UGT2A1: variants seen among roughly 807,000 people sequenced by gnomAD.
UGT2A1 encodes UDP glucuronosyltransferase family 2 member A1 complex locus.
In UGT2A1, 61 loss-of-function variants were observed where a neutral mutation model predicts 45.4. The ratio of observed to expected loss-of-function variants is 1.34; its 90% CI spans 1.09 to 1.66. The LOEUF is 1.66. Among genes scored for constraint, UGT2A1 ranks in the 40% most tolerant of loss-of-function variants. The probability of loss-of-function intolerance (pLI) is 0.00; values close to 1 mark genes in which losing one functional copy is unlikely to be tolerated. For missense variants in UGT2A1, 649 were observed against 574.3 expected, an observed-to-expected ratio of 1.13 and a Z score of -1.33; for synonymous variants, 229 against 196.2, an observed-to-expected ratio of 1.17 and a Z score of -1.40.
chr4:69,623,251 C>T (rs367656560), intron 3 of UGT2A1, among the ~76,000 whole-genome samples: 11 of 151,754 alleles, frequency 7.2e-5, no homozygotes, highest in African/African-American at 1.9e-4. Flanking sequence ...ACCACTACCC[C>T]ATTTCTACCA....
chr4:69,651,267 A>G (rs1178350940), intron 1 of UGT2A1, among the ~76,000 whole-genome samples: 1 of 152,184 alleles, frequency 6.6e-6, no homozygotes, highest in Non-Finnish European at 1.5e-5. Context: ...TGTGTTTGTA[A>G]TTACTCTGAT....
Position 69,606,754 on chromosome 4 carries a change from C to T in UGT2A1, c.848-7360G>A, listed in dbSNP as rs1247544451. Among the ~76,000 whole-genome samples, 5 of 136,620 alleles carry T rather than the reference C, an allele frequency of 3.7e-5. 1 individual carries two copies. Among genetic ancestry groups the T allele is most frequent in the Non-Finnish European group, 7.8e-5 (5 of 64,308 alleles). The allele number at this position is 136,620 out of a possible 152,430, so 89.6% of individuals were successfully genotyped here. On this transcript the variant is annotated intron_variant, in intron 3 of 6. Transcript: ENST00000286604. ...GGATACAAAATCAATGTGCAAAAAT[C>T]ACAAGCATTCTTATACACCAATAAC... is the stretch of plus-strand genomic sequence containing the variant.
At chr4:69,639,208 T>A in intron 2 of UGT2A1, 1 of 1,613,736 alleles carries the variant, frequency 6.2e-7, no homozygotes, top group Non-Finnish European at 8.5e-7. Flanking sequence ...AGTCTTGCCA[T>A]CAACTTTGGG....
At chr4:69,613,536 C>G (rs1395460644) in intron 3 of UGT2A1, among the ~76,000 whole-genome samples, 1 of 151,962 alleles carries the variant, frequency 6.6e-6, no homozygotes, top group Admixed American at 6.6e-5. Flanking sequence ...ACAACAACTA[C>G]AGGCCAATAT....
intron 5 of UGT2A1, 31 bp from the exon 6 acceptor site, chr4:69,594,727 T>C (rs373580816): frequency 6.3e-7 from 1 of 1,595,892 alleles, no homozygotes; most frequent in African/African-American, 1.3e-5. Context: ...GAAGTGGGTG[T>C]GTAATAATAA....
rs910499237 is a variant in UGT2A1, at chr4:69,588,831, C to T, written c.*541G>A. ...AGGGACGCACGTCACACTTAAAATT[C>T]ATTCTCTAACTCCTGAAACATTGAG... On this transcript the variant is annotated 3_prime_UTR_variant, in exon 7 of 7. Coordinates refer to ENST00000286604, the MANE Select transcript of UGT2A1 (RefSeq NM_001252275.3). 1.3e-5 allele frequency: 2 copies of T among 152,036 alleles called. No homozygotes were observed. Among genetic ancestry groups the T allele is most frequent in the African/African-American group, 4.8e-5 (2 of 41,400 alleles). The allele number at this position is 152,036 out of a possible 1,614,324, so 9.4% of individuals were successfully genotyped here.
intron 4 of UGT2A1, chr4:69,596,533 A>G: frequency 1.7e-6 from 2 of 1,182,610 alleles, no homozygotes; most frequent in Non-Finnish European, 2.2e-6. Context: ...TAGTTTCTAT[A>G]TTTTTTTTTG....
intron 1 of UGT2A1, among the ~76,000 whole-genome samples, chr4:69,652,906 C>T (rs931936348): frequency 6.6e-6 from 1 of 152,070 alleles, no homozygotes; most frequent in Non-Finnish European, 1.5e-5. Flanking sequence ...GAGAAGAATC[C>T]CTAAAGAGGA....
At chr4:69,599,460 G>T in intron 3 of UGT2A1, 66 bp from the exon 4 acceptor site, 1 of 1,579,524 alleles carries the variant, frequency 6.3e-7, no homozygotes, top group Non-Finnish European at 8.5e-7. Flanking sequence ...AGAAAAAAAA[G>T]CTACCAGTAA....
intron 3 of UGT2A1, among the ~76,000 whole-genome samples, chr4:69,601,272 G>C (rs990215694): frequency 2.0e-5 from 3 of 152,094 alleles, no homozygotes; most frequent in African/African-American, 7.2e-5. Context: ...TGCCTACATA[G>C]GGGGAGCCAG....
intron 3 of UGT2A1, among the ~76,000 whole-genome samples, chr4:69,624,532 T>C (rs934042225): frequency 5.3e-5 from 8 of 151,450 alleles, no homozygotes; most frequent in Non-Finnish European, 1.0e-4. Context: ...ATCTCTTTTT[T>C]GTTCTTTTTT....
chr4:69,633,372 G>T (rs1473915344), intron 3 of UGT2A1, among the ~76,000 whole-genome samples: 1 of 152,116 alleles, frequency 6.6e-6, no homozygotes, highest in East Asian at 1.9e-4. Context: ...TGGCTAGTAG[G>T]TTTACTAGTT....
intron 2 of UGT2A1, chr4:69,638,986 T>A: frequency 6.2e-7 from 1 of 1,613,124 alleles, no homozygotes; most frequent in Non-Finnish European, 8.5e-7. Context: ...GTATTTTTAA[T>A]CCTTTCACCA....
intron 3 of UGT2A1, among the ~76,000 whole-genome samples, chr4:69,631,764 A>G (rs944249890): frequency 1.3e-5 from 2 of 152,146 alleles, no homozygotes; most frequent in Non-Finnish European, 2.9e-5. Context: ...TTTGAAGACT[A>G]CGGACATATT....
At chr4:69,610,188 A>T (rs898104741) in intron 3 of UGT2A1, among the ~76,000 whole-genome samples, 2 of 152,154 alleles carry the variant, frequency 1.3e-5, no homozygotes, top group Non-Finnish European at 2.9e-5. Flanking sequence ...AAATATTTTT[A>T]AATGTGCAAA....
chr4:69,612,744 A>T (rs989878508), intron 3 of UGT2A1, among the ~76,000 whole-genome samples: 1 of 152,022 alleles, frequency 6.6e-6, no homozygotes, highest in Non-Finnish European at 1.5e-5. Flanking sequence ...TGGATCAAAG[A>T]TTTAAATGGA....
chr4:69,599,279 T>A lies in UGT2A1; in HGVS notation c.963A>T (p.Gly321=), dbSNP rs1719115079. ...AAGGTTTGGCAGGTTTGCAGTGCAA[T>A]CCTCCAACAAACTCAAAATTAGGTA... ...PYLPNFEFVG[G]LHCKPAKPLP... The change falls in exon 4 of 7, where the codon GGA becomes GGT. Residue 321 remains glycine, a synonymous_variant. Transcript: ENST00000286604. 20 of 1,613,670 alleles carry A rather than the reference T, an allele frequency of 1.2e-5. No homozygotes were observed. The highest frequency in any genetic ancestry group is 1.5e-5 in the Non-Finnish European group (18 of 1,179,888).
chr4:69,596,372 C>T (rs199540980), intron 4 of UGT2A1: 1 of 1,592,898 alleles, frequency 6.3e-7, no homozygotes, highest in East Asian at 2.3e-5. Flanking sequence ...TGGATAAATT[C>T]TTCCATTTCC....
chr4:69,599,464 C>G (rs1719131353), intron 3 of UGT2A1, 70 bp from the exon 4 acceptor site: 1 of 1,577,014 alleles, frequency 6.3e-7, no homozygotes, highest in Non-Finnish European at 8.5e-7. Flanking sequence ...AAAAAAGCTA[C>G]CAGTAATTTC....
Sources: allele counts gnomAD v4.1 joint callset (sites outside exome capture counted in the v4.1 genomes callset), GRCh38; gene constraint gnomAD v4.1.1; transcripts MANE v1.5; gene names NCBI Gene and HGNC (gene_info 2026-07-23, HGNC 2026-07-21).